Variants in GRIA4 observed in about 807,000 individuals in gnomAD.
The protein encoded by GRIA4 is glutamate ionotropic receptor AMPA type subunit 4, also known as glutamate receptor 4.
A neutral mutation model predicts 104.0 loss-of-function variants in GRIA4; 34 were observed. That is an observed-to-expected ratio of 0.33 (90% CI 0.25 to 0.44). The LOEUF is 0.44. Among genes scored for constraint, GRIA4 ranks in the 20% least tolerant of loss-of-function variants. The probability of loss-of-function intolerance (pLI) is 1.00; values close to 1 mark genes in which losing one functional copy is unlikely to be tolerated. For missense variants in GRIA4, 750 were observed against 1,096.5 expected (o/e 0.68, Z 4.46); for synonymous variants, 386 against 381.9 (o/e 1.01, Z -0.13).
At position 105,747,538 on chromosome 11, in the gene GRIA4, T is replaced by C. The variant is rs1337139337; in HGVS notation, c.248-5443T>C. 3.3e-5 allele frequency among the ~76,000 whole-genome samples: 5 copies of C among 151,986 alleles called. No individual in the cohort carries two copies. The East Asian group carries it at 9.6e-4, about 29-fold the overall frequency. The stretch of plus-strand genomic sequence containing the variant: ...ATGTCTATGTATTATTCAGATGGAG[T>C]ATGGAGATATTTACTAAAATCAGAA... On this transcript the variant is annotated intron_variant, in intron 3 of 16. Coordinates refer to ENST00000282499, the MANE Select transcript of GRIA4 (RefSeq NM_000829.4).
chr11:105,630,371 C>T (rs1463523028), intron 3 of GRIA4, among the ~76,000 whole-genome samples: 1 of 122,878 alleles, frequency 8.1e-6, no homozygotes, highest in Non-Finnish European at 1.8e-5. Context: ...CAAGACCAGC[C>T]TGACTGACAT....
At chr11:105,863,806 G>T (rs1054352241) in intron 5 of GRIA4, among the ~76,000 whole-genome samples, 9 of 152,160 alleles carry the variant, frequency 5.9e-5, no homozygotes, top group Non-Finnish European at 1.3e-4. Flanking sequence ...AAAAGACCAA[G>T]TCTGGAGGAG....
chr11:105,939,021 A>G (rs1948119807), intron 14 of GRIA4, among the ~76,000 whole-genome samples: 1 of 152,206 alleles, frequency 6.6e-6, no homozygotes, highest in South Asian at 2.1e-4. Context: ...ACTCCTCATG[A>G]AGAAGGAAAC....
intron 5 of GRIA4, among the ~76,000 whole-genome samples, chr11:105,865,011 G>A (rs746202696): frequency 3.9e-5 from 6 of 152,152 alleles, no homozygotes; most frequent in Non-Finnish European, 7.4e-5. Context: ...CTCAAAATAT[G>A]TTAATGGAAA....
intron 4 of GRIA4, among the ~76,000 whole-genome samples, chr11:105,859,682 A>G (rs934210166): frequency 2.0e-5 from 3 of 152,082 alleles, no homozygotes; most frequent in African/African-American, 7.2e-5. Flanking sequence ...GGAGAAGACT[A>G]TTTCTATGTG....
intron 14 of GRIA4, among the ~76,000 whole-genome samples, chr11:105,961,923 C>A (rs1434333331): frequency 6.6e-6 from 1 of 152,218 alleles, no homozygotes; most frequent in African/African-American, 2.4e-5. Flanking sequence ...GTGTTTAAAC[C>A]AGACCAAAGA....
chr11:105,736,858 T>C (rs1591168582), intron 3 of GRIA4, among the ~76,000 whole-genome samples: 1 of 152,092 alleles, frequency 6.6e-6, no homozygotes, highest in Non-Finnish European at 1.5e-5. Context: ...ATTAAGATTA[T>C]AGTGATTATT....
At chr11:105,847,245 G>T (rs1387970456) in intron 4 of GRIA4, among the ~76,000 whole-genome samples, 2 of 152,182 alleles carry the variant, frequency 1.3e-5, no homozygotes, top group Non-Finnish European at 2.9e-5. Flanking sequence ...TTCACAATAG[G>T]GTTCATGCTC....
chr11:105,759,761 C>A (rs1215982453), intron 4 of GRIA4, among the ~76,000 whole-genome samples: 7 of 152,122 alleles, frequency 4.6e-5, no homozygotes. Context: ...AGCATAACTT[C>A]CTCTGGAAGT....
In GRIA4 at chr11:105,974,357, C is replaced by T; in HGVS notation, c.2457C>T (p.Tyr819=). 1.9e-6 allele frequency: 3 copies of T among 1,613,900 alleles called. No individual in the cohort carries two copies. The highest frequency in any genetic ancestry group is 2.5e-6 in the Non-Finnish European group (3 of 1,179,820). Residue 819 remains tyrosine (Y), a synonymous_variant, in exon 16 of 17, where the codon TAC becomes TAT. Transcript: ENST00000282499. ...LSLSNVAGVF[Y]ILVGGLGLAM... ...TGAGCAATGTAGCAGGCGTCTTCTA[C>T]ATTCTGGTTGGCGGCTTGGGCTTGG...
At chr11:105,760,218 G>A (rs1446096068) in intron 4 of GRIA4, among the ~76,000 whole-genome samples, 1 of 152,064 alleles carries the variant, frequency 6.6e-6, no homozygotes, top group Non-Finnish European at 1.5e-5. Context: ...TAATACAGGA[G>A]CCTTCTTTAC....
chr11:105,957,051 C>T (rs1251719388), intron 14 of GRIA4, among the ~76,000 whole-genome samples: 2 of 152,124 alleles, frequency 1.3e-5, no homozygotes, highest in South Asian at 2.1e-4. Flanking sequence ...TTCTCCCATT[C>T]TGTAGGTTGC....
At chr11:105,844,317 G>T (rs1944502836) in intron 4 of GRIA4, among the ~76,000 whole-genome samples, 1 of 152,172 alleles carries the variant, frequency 6.6e-6, no homozygotes, top group Non-Finnish European at 1.5e-5. Context: ...TGGACAAATA[G>T]TCCATTATTA....
At chr11:105,809,825 A>G (rs1219700077) in intron 4 of GRIA4, among the ~76,000 whole-genome samples, 1 of 152,070 alleles carries the variant, frequency 6.6e-6, no homozygotes, top group Non-Finnish European at 1.5e-5. Flanking sequence ...TACAGCTACC[A>G]AACGCTAGAT....
At position 105,685,174 on chromosome 11, in the gene GRIA4, G is replaced by A. The variant is rs983336123; in HGVS notation, c.248-67807G>A. On this transcript the variant is annotated intron_variant, in intron 3 of 16. Coordinates refer to ENST00000282499, the MANE Select transcript of GRIA4 (RefSeq NM_000829.4). The stretch of plus-strand genomic sequence containing the variant: ...AGGAGGGAGGAAGGAAGGGAGGGAG[G>A]GAGGGAGAGAGGGAGGGAGGGAGGA... 6.1e-5 allele frequency among the ~76,000 whole-genome samples: 9 copies of A among 146,946 alleles called. No homozygotes were observed. In the South Asian group the frequency reaches 1.3e-3, roughly 22 times the overall value.
At chr11:105,790,449 T>C (rs1942166319) in intron 4 of GRIA4, among the ~76,000 whole-genome samples, 1 of 152,142 alleles carries the variant, frequency 6.6e-6, no homozygotes, top group South Asian at 2.1e-4. Context: ...TGGCAGGTGA[T>C]CTATGAGCTT....
chr11:105,674,946 A>G (rs1751552978), intron 3 of GRIA4, among the ~76,000 whole-genome samples: 2 of 151,912 alleles, frequency 1.3e-5, no homozygotes, highest in African/African-American at 2.4e-5. Flanking sequence ...ATCCTCAGAG[A>G]CTTGTGAAGA....
intron 4 of GRIA4, among the ~76,000 whole-genome samples, chr11:105,855,499 T>C (rs926012720): frequency 7.8e-4 from 118 of 152,182 alleles, no homozygotes; most frequent in African/African-American, 2.8e-3. Flanking sequence ...ATAAAATATA[T>C]AGTAAAACAG....
chr11:105,670,144 G>A (rs186424473), intron 3 of GRIA4, among the ~76,000 whole-genome samples: 7 of 152,166 alleles, frequency 4.6e-5, no homozygotes, highest in Admixed American at 4.6e-4. Flanking sequence ...ATTTGTTGAG[G>A]AAATTTCCTT....
Sources: gnomAD v4.1 joint callset for allele counts (sites outside exome capture counted in the v4.1 genomes callset) on GRCh38, gnomAD v4.1.1 for gene constraint, MANE v1.5 for transcripts, NCBI Gene and HGNC (gene_info 2026-07-23, HGNC 2026-07-21) for gene names.